TIPARP: variants seen among roughly 807,000 people sequenced by gnomAD.
TIPARP encodes the protein protein mono-ADP-ribosyltransferase TIPARP.
TIPARP carries 12 observed loss-of-function variants against 56.5 expected under a neutral mutation model. The ratio of observed to expected loss-of-function variants is 0.21; its 90% CI spans 0.14 to 0.34. The LOEUF (loss-of-function observed/expected upper bound fraction) is 0.34, where lower values mean the gene tolerates loss of function less well. Ranked by LOEUF, TIPARP falls within the 10% of genes least tolerant of loss-of-function variation. The pLI is 1.00. For missense variants in TIPARP, 604 were observed against 781.6 expected (o/e 0.77, Z 2.71); for synonymous variants, 296 against 265.7 (o/e 1.11, Z -1.11).
At chr3:156,693,210 A>G (rs960431131) in intron 2 of TIPARP, among the ~76,000 whole-genome samples, 2 of 152,194 alleles carry the variant, frequency 1.3e-5, no homozygotes, top group African/African-American at 4.8e-5. Context: ...AGTTATTTGA[A>G]ATAATGGTTC....
At chr3:156,691,462 G>A (rs531239832) in intron 2 of TIPARP, among the ~76,000 whole-genome samples, 1 of 152,130 alleles carries the variant, frequency 6.6e-6, no homozygotes, top group South Asian at 2.1e-4. Flanking sequence ...CTTTCTTAAC[G>A]CCCCTGGAAG....
chr3:156,684,075 T>G (rs1577035674), intron 2 of TIPARP, among the ~76,000 whole-genome samples: 1 of 150,952 alleles, frequency 6.6e-6, no homozygotes. Flanking sequence ...GTGTATATCA[T>G]TTTTTGCAAA....
chr3:156,702,131 G>T (rs1304354805), intron 4 of TIPARP, among the ~76,000 whole-genome samples: 1 of 151,680 alleles, frequency 6.6e-6, no homozygotes, highest in Admixed American at 6.6e-5. Context: ...TGGAATCCTA[G>T]TATCCTGTCG....
At chr3:156,697,746 C>T (rs543559255) in intron 4 of TIPARP, among the ~76,000 whole-genome samples, 4 of 152,016 alleles carry the variant, frequency 2.6e-5, no homozygotes, top group Non-Finnish European at 2.9e-5. Context: ...GTGATCTGAC[C>T]GGTGATCTTT....
intron 2 of TIPARP, chr3:156,681,108 G>A: frequency 4.4e-6 from 2 of 456,236 alleles, no homozygotes; most frequent in Non-Finnish European, 8.8e-6. Flanking sequence ...CCAAAGCGAT[G>A]TTGTGTTTCC....
rs1473913455 is a variant in TIPARP at position 156,678,274 on chromosome 3, A to G, written c.577A>G (p.Ser193Gly). 3 of 1,614,194 alleles carry G rather than the reference A, an allele frequency of 1.9e-6. No homozygotes were observed. The highest frequency in any genetic ancestry group is 1.1e-5 in the South Asian group (1 of 91,078). The change falls in exon 2 of 6, where the codon AGT becomes GGT. Residue 193 changes from serine (S) to glycine (G), a missense_variant. Coordinates refer to ENST00000295924, the MANE Select transcript of TIPARP (RefSeq NM_015508.5). ...DYVPGIFQEN[S>G]FTIQYILDTS... ...TGTTCCAGGCATTTTCCAAGAAAAC[A>G]GTTTTACAATCCAATACATTCTGGA...
intron 1 of TIPARP, 49 bp from the exon 2 acceptor site, chr3:156,677,608 C>T (rs1054357102): frequency 8.1e-7 from 1 of 1,239,218 alleles, no homozygotes; most frequent in African/African-American, 1.5e-5. Flanking sequence ...TGAATGAAAT[C>T]CAGTTGCTGT....
intron 2 of TIPARP, among the ~76,000 whole-genome samples, chr3:156,692,436 C>A (rs1438126748): frequency 6.6e-6 from 1 of 152,008 alleles, no homozygotes; most frequent in Non-Finnish European, 1.5e-5. Flanking sequence ...TACCATAAAT[C>A]ATTTTAAAAC....
chr3:156,677,284 ATG>A (rs1032977942), intron 1 of TIPARP, among the ~76,000 whole-genome samples: 1 of 152,202 alleles, frequency 6.6e-6, no homozygotes, highest in Admixed American at 6.5e-5. Context: ...CTGAGTGGAA[ATG>A]TGGTTTCCCT....
chr3:156,678,050 G>A lies in TIPARP; in HGVS notation c.353G>A (p.Gly118Glu), dbSNP rs1338961044. 1 of 1,614,012 alleles carries A rather than the reference G, an allele frequency of 6.2e-7. No individual in the cohort carries two copies. Among genetic ancestry groups the A allele is most frequent in the Non-Finnish European group, 8.5e-7 (1 of 1,180,034 alleles). Residue 118 changes from glycine to glutamate, a missense_variant, in exon 2 of 6, where the codon GGG (glycine) becomes GAG (glutamate). By Grantham distance (98) the Gly-to-Glu change is moderately conservative (BLOSUM62 -2). Transcript: ENST00000295924. The part of the protein sequence containing the change: ...SVLIPDRTNV[G>E]DQIPEAHPST... The stretch of plus-strand genomic sequence containing the variant: ...CTGATTCCTGATAGGACAAATGTTG[G>A]GGACCAGATACCGGAAGCCCATCCT...
rs1296705490 is a variant in TIPARP, at chr3:156,677,986, A to C, written c.289A>C (p.Asn97His). 1.2e-6 allele frequency: 2 copies of C among 1,614,040 alleles called. No individual in the cohort carries two copies. Among genetic ancestry groups the C allele is most frequent in the African/African-American group, 2.7e-5 (2 of 74,932 alleles). Residue 97 changes from asparagine (N) to histidine (H), a missense_variant, in exon 2 of 6, where the codon AAT becomes CAT. Coordinates refer to ENST00000295924, the MANE Select transcript of TIPARP (RefSeq NM_015508.5). ...TATGATGAAGAAAGCCATGGAAATC[A>C]ATTCATCATGCCCACCAGCAGAAAA... ...EPMMKKAMEI[N>H]SSCPPAENNM... is the part of the protein sequence containing the mutation.
At chr3:156,701,280 A>G (rs1722838175) in intron 4 of TIPARP, among the ~76,000 whole-genome samples, 1 of 152,236 alleles carries the variant, frequency 6.6e-6, no homozygotes, top group Admixed American at 6.5e-5. Context: ...TGAAGTTTGC[A>G]TTTTATGGAA....
intron 2 of TIPARP, among the ~76,000 whole-genome samples, chr3:156,690,765 A>G (rs1722553208): frequency 6.6e-6 from 1 of 152,128 alleles, no homozygotes; most frequent in Non-Finnish European, 1.5e-5. Context: ...TACAGTGGCT[A>G]TTACCCATAC....
chr3:156,685,185 T>C (rs920380208), intron 2 of TIPARP, among the ~76,000 whole-genome samples: 8 of 152,238 alleles, frequency 5.3e-5, no homozygotes, highest in African/African-American at 1.7e-4. Context: ...CCTTGCTGAC[T>C]TAGCTAGTTA....
chr3:156,704,079 A>C (rs575405415), intron 5 of TIPARP, among the ~76,000 whole-genome samples: 1 of 152,198 alleles, frequency 6.6e-6, no homozygotes, highest in Non-Finnish European at 1.5e-5. Flanking sequence ...AATGAGGAAC[A>C]TAATAGTAAA....
rs781672454 is a variant in TIPARP, at chr3:156,704,894, C to T, written c.1737C>T (p.Ser579=). The T allele has an allele frequency of 4.3e-6, 7 of 1,614,156 alleles. No homozygotes were observed. In the East Asian group the frequency reaches 1.3e-4, roughly 31 times the overall value. ...ACTCTCATAACTTTTCTAAGAAGTC[C>T]TCCAAAGGAGTCCACTTCATGTTTC... The part of the protein sequence containing the change: ...ASYSHNFSKK[S]SKGVHFMFLA... Residue 579 remains serine, a synonymous_variant, in exon 6 of 6, where the codon TCC becomes TCT. Transcript: ENST00000295924.
In TIPARP at chr3:156,702,295, A is replaced by G. The variant is rs187839122; in HGVS notation, c.1248-1129A>G. 4.9e-3 allele frequency among the ~76,000 whole-genome samples: 751 copies of G among 152,332 alleles called. 4 individuals are homozygous for G. The highest frequency in any genetic ancestry group is 8.4e-3 in the Non-Finnish European group (572 of 68,024). ...CTAGCTATACTCGGGCAAATTATTTAATCTCTCTAAACCTCAGTTTCTTCA... is the reference window on the plus strand; with the variant it reads ...CTAGCTATACTCGGGCAAATTATTTGATCTCTCTAAACCTCAGTTTCTTCA... On this transcript the variant is annotated intron_variant, in intron 4 of 5. Transcript: ENST00000295924.
rs1722902374 is a variant in TIPARP, at chr3:156,703,511, A to C, written c.1335A>C (p.Ser445=). The C allele has an allele frequency of 6.2e-7, 1 of 1,614,128 alleles. No homozygotes were observed. The highest frequency in any genetic ancestry group is 8.5e-7 in the Non-Finnish European group (1 of 1,180,050). The change falls in exon 5 of 6, where the codon TCA becomes TCC. Residue 445 remains serine, a synonymous_variant. Coordinates refer to ENST00000295924, the MANE Select transcript of TIPARP (RefSeq NM_015508.5). ...TTATCTGCCCAGATGGGGTCACTTC[A>C]GCAAACTTTTACCCTGAAACTTGGG... The part of the protein sequence containing the change: ...SQIICPDGVT[S]ANFYPETWVY...
At chr3:156,687,532 G>T (rs1285400348) in intron 2 of TIPARP, among the ~76,000 whole-genome samples, 1 of 152,114 alleles carries the variant, frequency 6.6e-6, no homozygotes, top group Admixed American at 6.5e-5. Flanking sequence ...GTTGCATTGG[G>T]GCCGGTGGAC....
Sources: allele counts gnomAD v4.1 joint callset (sites outside exome capture counted in the v4.1 genomes callset), GRCh38; gene constraint gnomAD v4.1.1; transcripts MANE v1.5; gene names NCBI Gene and HGNC (gene_info 2026-07-23, HGNC 2026-07-21).